Variants in GOLM1 observed in about 807,000 individuals in gnomAD.
GOLM1 encodes golgi membrane protein 1.
A neutral mutation model predicts 50.5 loss-of-function variants in GOLM1; 31 were observed. The ratio of observed to expected loss-of-function variants is 0.61; its 90% CI spans 0.46 to 0.83. The LOEUF is 0.83. Among genes scored for constraint, GOLM1 ranks in the 40% least tolerant of loss-of-function variants. GOLM1 has a pLI of 0.00. For missense variants in GOLM1, 491 were observed against 501.3 expected (o/e 0.98, Z 0.20); for synonymous variants, 178 against 192.8 (o/e 0.92, Z 0.64).
At chr9:86,036,803 C>A in intron 6 of GOLM1, 4 of 376,876 alleles carry the variant, frequency 1.1e-5, no homozygotes, top group African/African-American at 2.1e-5. Context: ...GGAAGATCAA[C>A]AACAAAAAAG....
chr9:86,097,067 C>CTTTTT (rs35392923), intron 1 of GOLM1, among the ~76,000 whole-genome samples: 4 of 143,176 alleles, frequency 2.8e-5, no homozygotes, highest in Non-Finnish European at 6.1e-5. Flanking sequence ...AAGGCATGGA[C>CTTTTT]TTTTTTTTTT....
intron 3 of GOLM1, among the ~76,000 whole-genome samples, chr9:86,073,290 T>C (rs1036183965): frequency 6.6e-6 from 1 of 152,220 alleles, no homozygotes; most frequent in Non-Finnish European, 1.5e-5. Flanking sequence ...TTAAAAATTC[T>C]ATATTCTGAG....
chr9:86,026,622 T>TA lies in GOLM1; in HGVS notation c.*1194dup. ...CTCCTACTTACCCCTTAGAGAGCCT[T>TA]ACTGGGAAGTCAGTCATTAATGATG... On this transcript the variant is annotated 3_prime_UTR_variant, in exon 10 of 10. Coordinates refer to ENST00000388712, the MANE Select transcript of GOLM1 (RefSeq NM_016548.4). 1.0e-6 allele frequency: 1 copy of TA among 984,074 alleles called. No individual in the cohort carries two copies. The highest frequency in any genetic ancestry group is 1.2e-6 in the Non-Finnish European group (1 of 828,704). 61.0% of individuals were successfully genotyped at this position (984,074 alleles called of 1,614,324 possible).
chr9:86,054,415 G>A (rs755300393), intron 3 of GOLM1, among the ~76,000 whole-genome samples: 42 of 152,006 alleles, frequency 2.8e-4, no homozygotes, highest in African/African-American at 3.6e-4. Flanking sequence ...GTAGAGATGG[G>A]GTTTCACCAT....
chr9:86,026,258 G>C lies in GOLM1; in HGVS notation c.*1559C>G. 9.1e-6 allele frequency: 9 copies of C among 984,902 alleles called. No homozygotes were observed. The highest frequency in any genetic ancestry group is 1.1e-5 in the Non-Finnish European group (9 of 829,516). The allele number at this position is 984,902 out of a possible 1,614,324, so 61.0% of individuals were successfully genotyped here. ...AGAAAATTCCTATCAACCCCAAGGA[G>C]GACTCAAAGTGAGGCTGGAAGAGGA... is the stretch of plus-strand genomic sequence containing the variant. On this transcript the variant is annotated 3_prime_UTR_variant, in exon 10 of 10. Transcript: ENST00000388712.
At position 86,027,676 on chromosome 9, in the gene GOLM1, T is replaced by G; in HGVS notation, c.*141A>C. 1 of 1,421,420 alleles carries G rather than the reference T, an allele frequency of 7.0e-7. No homozygotes were observed. The allele number at this position is 1,421,420 out of a possible 1,614,324, so 88.1% of individuals were successfully genotyped here. ...CCATTCCATTTTTTCCTACACAAAG[T>G]GCATACTAAAATTTCACAATAATCA... On this transcript the variant is annotated 3_prime_UTR_variant, in exon 10 of 10. Transcript: ENST00000388712.
chr9:86,086,127 G>T (rs983334806), intron 1 of GOLM1, among the ~76,000 whole-genome samples: 1 of 152,158 alleles, frequency 6.6e-6, no homozygotes, highest in African/African-American at 2.4e-5. Context: ...ATTCTCTCCA[G>T]CATCTGTGGT....
chr9:86,041,527 C>T (rs903160834), intron 5 of GOLM1, among the ~76,000 whole-genome samples: 2 of 152,154 alleles, frequency 1.3e-5, no homozygotes, highest in Non-Finnish European at 2.9e-5. Flanking sequence ...TGGATGGGGG[C>T]GGCTGACTCC....
chr9:86,064,379 G>A (rs933443616), intron 3 of GOLM1, among the ~76,000 whole-genome samples: 5 of 152,136 alleles, frequency 3.3e-5, no homozygotes, highest in African/African-American at 7.2e-5. Flanking sequence ...ACACTTTCCC[G>A]CACCTATCCC....
intron 3 of GOLM1, among the ~76,000 whole-genome samples, chr9:86,071,521 A>C (rs1467698131): frequency 4.6e-5 from 7 of 152,044 alleles, no homozygotes; most frequent in Admixed American, 2.0e-4. Context: ...TCTACTAAAA[A>C]TACAAAAATT....
intron 5 of GOLM1, among the ~76,000 whole-genome samples, chr9:86,045,674 GAAAA>G (rs1174542328): frequency 2.1e-5 from 2 of 94,314 alleles, no homozygotes; most frequent in South Asian, 6.3e-4. Context: ...CTCCGCTCAA[GAAAA>G]AAAAAAAAAA....
At chr9:86,084,058 C>A (rs1471707222) in intron 1 of GOLM1, among the ~76,000 whole-genome samples, 1 of 152,104 alleles carries the variant, frequency 6.6e-6, no homozygotes, top group African/African-American at 2.4e-5. Flanking sequence ...GAAAAAAGTC[C>A]TGAGTTCCAA....
At chr9:86,039,765 C>G (rs550711830) in intron 6 of GOLM1, among the ~76,000 whole-genome samples, 4 of 152,136 alleles carry the variant, frequency 2.6e-5, no homozygotes, top group East Asian at 3.9e-4. Flanking sequence ...GTCAGCCGTT[C>G]AAGACCAGCC....
intron 9 of GOLM1, among the ~76,000 whole-genome samples, chr9:86,030,565 T>C (rs1832944378): frequency 6.6e-6 from 1 of 151,694 alleles, no homozygotes; most frequent in Non-Finnish European, 1.5e-5. Context: ...GCCACTACCC[T>C]TCAAAAAAGA....
At chr9:86,081,684 A>G (rs13286806) in intron 1 of GOLM1, among the ~76,000 whole-genome samples, 77,348 of 151,330 alleles carry the variant, frequency 0.51, 20,474 homozygotes, top group Non-Finnish European at 0.59. Context: ...GAAGTCAGGA[A>G]TTTGAGACCA....
chr9:86,027,774 C>G lies in GOLM1; in HGVS notation c.*43G>C, dbSNP rs745543531. ...CAGTCCCTCATGAACATTTTATAGT[C>G]ATCTCTTCGGCCCTGTTGTGAAATA... On this transcript the variant is annotated 3_prime_UTR_variant, in exon 10 of 10. Coordinates refer to ENST00000388712, the MANE Select transcript of GOLM1 (RefSeq NM_016548.4). The G allele has an allele frequency of 1.3e-6, 2 of 1,597,242 alleles. No individual in the cohort carries two copies. Among genetic ancestry groups the G allele is most frequent in the African/African-American group, 1.4e-5 (1 of 73,954 alleles).
intron 9 of GOLM1, among the ~76,000 whole-genome samples, chr9:86,030,241 AAG>A (rs1564338728): frequency 2.0e-5 from 3 of 150,236 alleles, no homozygotes; most frequent in South Asian, 2.1e-4. Context: ...AAAAAAAAAA[AAG>A]AATAGAAGTA....
Position 86,027,679 on chromosome 9 carries a change from A to G in GOLM1, c.*138T>C. The G allele has an allele frequency of 7.0e-7, 1 of 1,423,806 alleles. No individual in the cohort carries two copies. The highest frequency in any genetic ancestry group is 1.5e-5 in the African/African-American group (1 of 68,566). The allele number at this position is 1,423,806 out of a possible 1,614,324, so 88.2% of individuals were successfully genotyped here. On this transcript the variant is annotated 3_prime_UTR_variant, in exon 10 of 10. Transcript: ENST00000388712. The stretch of plus-strand genomic sequence containing the variant: ...TTCCATTTTTTCCTACACAAAGTGC[A>G]TACTAAAATTTCACAATAATCATCT...
chr9:86,090,273 T>C (rs986243525), intron 1 of GOLM1, among the ~76,000 whole-genome samples: 1 of 152,114 alleles, frequency 6.6e-6, no homozygotes, highest in Non-Finnish European at 1.5e-5. Context: ...CTTTGAGTGT[T>C]ATGCTGGGAG....
Sources: gnomAD v4.1 joint callset for allele counts (sites outside exome capture counted in the v4.1 genomes callset) on GRCh38, gnomAD v4.1.1 for gene constraint, MANE v1.5 for transcripts, NCBI Gene and HGNC (gene_info 2026-07-23, HGNC 2026-07-21) for gene names.